Variants in MTCL2 observed in about 807,000 individuals in gnomAD.
MTCL2 encodes microtubule crosslinking factor 2.
the MTCL2 span, among the ~76,000 whole-genome samples, chr20:36,823,815 A>T: frequency 2.6e-5 from 4 of 152,158 alleles, no homozygotes; most frequent in African/African-American, 9.7e-5. Flanking sequence ...TCTCCCCCAA[A>T]AATAATAATA....
chr20:36,839,079 T>G, the MTCL2 span: 1 of 724,736 alleles, frequency 1.4e-6, no homozygotes, highest in Non-Finnish European at 2.3e-6. The surrounding 1 kb of genome is among the most constrained non-coding windows in gnomAD (Gnocchi z 5.1). Flanking sequence ...GAATTCCTAC[T>G]TAGATGAGGA....
At chr20:36,793,674 C>T in the MTCL2 span, 13 of 1,549,978 alleles carry the variant, frequency 8.4e-6, no homozygotes, top group East Asian at 2.4e-5. This position sits in a 1 kb window ranked among gnomAD's most constrained non-coding sequence, Gnocchi z 6.8. Context: ...CAGGCCGAGC[C>T]GTTCTGCTTG....
the MTCL2 span, among the ~76,000 whole-genome samples, chr20:36,858,311 AACACACACACACAC>A: frequency 2.2e-4 from 7 of 31,828 alleles, no homozygotes; most frequent in Admixed American, 4.3e-4. Context: ...AAGGAGGGAA[AACACACACACACAC>A]ACACACACAC....
chr20:36,794,340 T>A, the MTCL2 span: 1 of 1,589,310 alleles, frequency 6.3e-7, no homozygotes, highest in Non-Finnish European at 8.6e-7. The surrounding 1 kb of genome is among the most constrained non-coding windows in gnomAD (Gnocchi z 5.4). Flanking sequence ...CGGATGCCCG[T>A]CTTGTCAGGA....
At chr20:36,818,495 A>G in the MTCL2 span, among the ~76,000 whole-genome samples, 2 of 152,206 alleles carry the variant, frequency 1.3e-5, no homozygotes, top group African/African-American at 4.8e-5. Flanking sequence ...GATGGCAAAC[A>G]GTGATTCAAA....
At chr20:36,784,291 C>G in the MTCL2 span, 16 of 985,814 alleles carry the variant, frequency 1.6e-5, no homozygotes, top group Non-Finnish European at 1.9e-5. Flanking sequence ...GCTGCCTGCT[C>G]TGCCCACACC....
At chr20:36,806,167 G>A in the MTCL2 span, among the ~76,000 whole-genome samples, 1 of 152,186 alleles carries the variant, frequency 6.6e-6, no homozygotes, top group Non-Finnish European at 1.5e-5. Flanking sequence ...GGCAGGCACT[G>A]TGGTTGAAAT....
chr20:36,816,472 G>A, the MTCL2 span, among the ~76,000 whole-genome samples: 1 of 152,078 alleles, frequency 6.6e-6, no homozygotes, highest in East Asian at 1.9e-4. Context: ...AGGGGTAGAT[G>A]TTGAAATGAC....
the MTCL2 span, among the ~76,000 whole-genome samples, chr20:36,836,380 C>T: frequency 0.018 from 2,027 of 110,656 alleles, 20 homozygotes; most frequent in Non-Finnish European, 0.027. Context: ...GACAGAGTTT[C>T]ACTCTGTCAC....
the MTCL2 span, among the ~76,000 whole-genome samples, chr20:36,833,653 A>C: frequency 1.3e-5 from 2 of 152,124 alleles, no homozygotes; most frequent in Non-Finnish European, 2.9e-5. Context: ...GTTCAAGACC[A>C]GCCTGAGCAA....
At chr20:36,837,862 C>T in the MTCL2 span, among the ~76,000 whole-genome samples, 4 of 152,178 alleles carry the variant, frequency 2.6e-5, no homozygotes, top group African/African-American at 4.8e-5. Flanking sequence ...CAGGCATGAG[C>T]CACTGTGCCC....
At chr20:36,849,731 C>T in the MTCL2 span, among the ~76,000 whole-genome samples, 2 of 152,144 alleles carry the variant, frequency 1.3e-5, no homozygotes, top group African/African-American at 4.8e-5. Flanking sequence ...AAATGATTTA[C>T]GTTTGTACAC....
At chr20:36,809,943 G>C in the MTCL2 span, 1 of 1,576,878 alleles carries the variant, frequency 6.3e-7, no homozygotes, top group South Asian at 1.2e-5. Context: ...CAGAGAGGCT[G>C]TAGGAATAGC....
chr20:36,835,108 G>A, the MTCL2 span, among the ~76,000 whole-genome samples: 1 of 152,260 alleles, frequency 6.6e-6, no homozygotes, highest in South Asian at 2.1e-4. Flanking sequence ...ACCTCTAGAG[G>A]GAGGGACTCA....
the MTCL2 span, among the ~76,000 whole-genome samples, chr20:36,812,135 CT>C: frequency 6.6e-6 from 1 of 152,230 alleles, no homozygotes; most frequent in Non-Finnish European, 1.5e-5. Context: ...GAGACTTGAA[CT>C]CAGGTCCCCT....
chr20:36,809,910 C>T, the MTCL2 span: 2 of 1,528,824 alleles, frequency 1.3e-6, no homozygotes, highest in Non-Finnish European at 8.8e-7. Flanking sequence ...GCCCATAGAT[C>T]CTCAAGGCCT....
the MTCL2 span, chr20:36,784,346 C>T: frequency 2.0e-6 from 2 of 985,874 alleles, no homozygotes; most frequent in African/African-American, 1.7e-5. Context: ...CTGGCATGAC[C>T]CTGGTGTTCA....
At chr20:36,797,352 G>T in the MTCL2 span, 1 of 724,820 alleles carries the variant, frequency 1.4e-6, no homozygotes, top group Non-Finnish European at 2.2e-6. Flanking sequence ...CAGGAACCAT[G>T]AGATACAGAC....
At chr20:36,812,750 C>T in the MTCL2 span, 3 of 1,613,898 alleles carry the variant, frequency 1.9e-6, no homozygotes, top group East Asian at 6.7e-5. Flanking sequence ...AGGCCTGAAG[C>T]TCCGGCTGGG....
Sources: allele counts gnomAD v4.1 joint callset (sites outside exome capture counted in the v4.1 genomes callset), GRCh38; gene constraint gnomAD v4.1.1; non-coding constraint Gnocchi (gnomAD v3.1); transcripts MANE v1.5; gene names NCBI Gene and HGNC (gene_info 2026-07-23, HGNC 2026-07-21).